The following FGD4 variants were observed in gnomAD, a reference collection of about 807,000 sequenced individuals.
FGD4 encodes FYVE, RhoGEF and PH domain containing 4.
A neutral mutation model predicts 102.0 loss-of-function variants in FGD4; 42 were observed. The ratio of observed to expected loss-of-function variants is 0.41; its 90% CI spans 0.32 to 0.53. The LOEUF is 0.53. FGD4 is among the 20% of genes least tolerant of loss of function. The pLI, the probability that FGD4 is intolerant of heterozygous loss-of-function variation, is 0.21. For synonymous variants in FGD4, 380 were observed against 375.7 expected, an observed-to-expected ratio of 1.01 and a Z score of -0.13; for missense variants, 902 against 1,078.2, an observed-to-expected ratio of 0.84 and a Z score of 2.29.
chr12:32,624,904 G>T, intron 12 of FGD4, 72 bp from the exon 13 acceptor site: 1 of 1,272,902 alleles, frequency 7.9e-7, no homozygotes. Flanking sequence ...ATAGATATTT[G>T]TTTGATAAAG....
intron 2 of FGD4, among the ~76,000 whole-genome samples, chr12:32,570,739 GT>G (rs1371290327): frequency 1.3e-5 from 2 of 151,996 alleles, no homozygotes; most frequent in African/African-American, 2.4e-5. Flanking sequence ...TCGTGCCTCA[GT>G]TTTTTATTCT....
At chr12:32,497,009 G>A (rs1937863097) in intron 1 of FGD4, among the ~76,000 whole-genome samples, 1 of 152,114 alleles carries the variant, frequency 6.6e-6, no homozygotes, top group Non-Finnish European at 1.5e-5. Flanking sequence ...ATATCCCTGG[G>A]GCATTGGTAG....
chr12:32,539,931 A>T (rs1942664288), intron 1 of FGD4, among the ~76,000 whole-genome samples: 1 of 152,206 alleles, frequency 6.6e-6, no homozygotes, highest in Non-Finnish European at 1.5e-5. Context: ...GTCTATCAGT[A>T]GTTACTGATT....
In FGD4 at chr12:32,403,522, G is replaced by A. The variant is rs147434394; in HGVS notation, c.166+3563G>A. Among the ~76,000 whole-genome samples, 726 of 150,010 alleles carry A rather than the reference G, an allele frequency of 4.8e-3. 7 individuals are homozygous for A. Among genetic ancestry groups the A allele is most frequent in the African/African-American group, 0.013 (538 of 40,654 alleles). On this transcript the variant is annotated intron_variant, in intron 1 of 16. Transcript: ENST00000534526. The stretch of plus-strand genomic sequence containing the variant: ...GCAGGAGAATCACTACAAGCCATGA[G>A]TTTGAGGATGAAGTATGCTGTGTTT...
chr12:32,481,791 A>C (rs1224947074), intron 1 of FGD4, among the ~76,000 whole-genome samples: 1 of 150,964 alleles, frequency 6.6e-6, no homozygotes, highest in Non-Finnish European at 1.5e-5. Context: ...ACTGTACTCC[A>C]GCCTGGGTGA....
chr12:32,605,293 A>G (rs1298082902), intron 7 of FGD4, among the ~76,000 whole-genome samples: 1 of 151,046 alleles, frequency 6.6e-6, no homozygotes, highest in African/African-American at 2.4e-5. Context: ...AGCTGTAGCC[A>G]GAAGGTCTGC....
intron 5 of FGD4, among the ~76,000 whole-genome samples, chr12:32,599,858 C>T (rs1165515773): frequency 6.6e-6 from 1 of 151,918 alleles, no homozygotes; most frequent in Non-Finnish European, 1.5e-5. Context: ...CCTAAGGCAT[C>T]CTAATCCTGT....
intron 1 of FGD4, among the ~76,000 whole-genome samples, chr12:32,460,048 A>G (rs1321342912): frequency 2.6e-5 from 4 of 152,272 alleles, no homozygotes; most frequent in Middle Eastern, 6.8e-3. Context: ...CTTTACAGTC[A>G]CAAATAAAAT....
rs1232121012 is a variant in FGD4 at position 32,399,944 on chromosome 12, C to T, written c.151C>T (p.Pro51Ser). The change falls in exon 1 of 17, where the codon CCC becomes TCC. Residue 51 changes from proline (P) to serine (S), a missense_variant. By Grantham distance (74) the Pro-to-Ser change is moderately conservative. Coordinates refer to ENST00000534526, the MANE Select transcript of FGD4 (RefSeq NM_001370298.3). ...VGTAAFKGQV[P>S]SGATGSSTCP... ...GACCGCTGCCTTCAAGGGCCAGGTG[C>T]CCTCAGGAGCCACAGGTAAGCGCCT... 2 of 1,491,742 alleles carry T rather than the reference C, an allele frequency of 1.3e-6. No homozygotes were observed. Among genetic ancestry groups the T allele is most frequent in the Non-Finnish European group, 1.8e-6 (2 of 1,126,610 alleles). The allele number at this position is 1,491,742 out of a possible 1,614,324, so 92.4% of individuals were successfully genotyped here.
At chr12:32,418,698 G>A (rs1941516529) in intron 1 of FGD4, among the ~76,000 whole-genome samples, 1 of 152,144 alleles carries the variant, frequency 6.6e-6, no homozygotes. Flanking sequence ...CCAAGGCCCG[G>A]TGTAACCACT....
chr12:32,507,066 C>T (rs1371987263), intron 1 of FGD4, among the ~76,000 whole-genome samples: 2 of 146,262 alleles, frequency 1.4e-5, no homozygotes, highest in African/African-American at 5.1e-5. Context: ...TCTCCTAAAG[C>T]TATCCCTCCC....
chr12:32,574,284 C>G (rs1190811006), intron 2 of FGD4, among the ~76,000 whole-genome samples: 1 of 150,450 alleles, frequency 6.6e-6, no homozygotes, highest in East Asian at 1.9e-4. Context: ...ATATTCACTT[C>G]CTTTAGTATT....
chr12:32,457,874 T>C (rs902386583), intron 1 of FGD4, among the ~76,000 whole-genome samples: 1 of 152,228 alleles, frequency 6.6e-6, no homozygotes, highest in Non-Finnish European at 1.5e-5. Flanking sequence ...CTTCTAGCTC[T>C]GCTCTAAGGA....
At chr12:32,425,507 G>C (rs373533072) in intron 1 of FGD4, among the ~76,000 whole-genome samples, 128 of 152,268 alleles carry the variant, frequency 8.4e-4, no homozygotes, top group African/African-American at 3.0e-3. Flanking sequence ...CAGGTAGCAC[G>C]ATGCCTCCAG....
Position 32,610,686 on chromosome 12 carries a change from C to T in FGD4, c.1544-90C>T, listed in dbSNP as rs534777477. ...ACTATTTTTGTTGTATCTTTGGTCT[C>T]AGACTTCTTAATTTAGTAAGTTACT... is the stretch of plus-strand genomic sequence containing the variant. On this transcript the variant is annotated intron_variant, in intron 8 of 16. Coordinates refer to ENST00000534526, the MANE Select transcript of FGD4 (RefSeq NM_001370298.3). 14 of 1,205,616 alleles carry T rather than the reference C, an allele frequency of 1.2e-5. No homozygotes were observed. The African/African-American group carries it at 1.6e-4, about 14-fold the overall frequency. The allele number at this position is 1,205,616 out of a possible 1,614,324, so 74.7% of individuals were successfully genotyped here.
chr12:32,619,556 C>T lies in FGD4; in HGVS notation c.1750-142C>T, dbSNP rs112299849. ...CTGAGGCAGGAGAATGGCGTGAACC[C>T]GGGAGGCAGAGCTTACAATGAGCCA... On this transcript the variant is annotated intron_variant, in intron 10 of 16. Coordinates refer to ENST00000534526, the MANE Select transcript of FGD4 (RefSeq NM_001370298.3). 0.13 allele frequency: 110,735 copies of T among 874,044 alleles called. 8,137 individuals carry two copies. Among genetic ancestry groups the T allele is most frequent in the African/African-American group, 0.22 (13,456 of 59,824 alleles). 54.1% of individuals were successfully genotyped at this position (874,044 alleles called of 1,614,324 possible). A position where few individuals can be genotyped will look rare whatever the true frequency, so the allele number is the denominator to read the frequency against.
chr12:32,609,756 T>G (rs956903186), intron 8 of FGD4, among the ~76,000 whole-genome samples: 1 of 152,170 alleles, frequency 6.6e-6, no homozygotes, highest in South Asian at 2.1e-4. Context: ...AGCAGTACAC[T>G]GAAGACAAAA....
chr12:32,564,630 G>T (rs1945031979), intron 2 of FGD4, among the ~76,000 whole-genome samples: 1 of 152,168 alleles, frequency 6.6e-6, no homozygotes, highest in Admixed American at 6.5e-5. Flanking sequence ...AGAAAGAAAT[G>T]ATTTGCTAGA....
At chr12:32,595,654 A>T (rs1469289438) in intron 4 of FGD4, among the ~76,000 whole-genome samples, 2 of 152,216 alleles carry the variant, frequency 1.3e-5, no homozygotes, top group Non-Finnish European at 2.9e-5. Context: ...ACTGTATAGT[A>T]GTAATATATA....
Sources: gnomAD v4.1 joint callset for allele counts (sites outside exome capture counted in the v4.1 genomes callset) on GRCh38, gnomAD v4.1.1 for gene constraint, MANE v1.5 for transcripts, NCBI Gene and HGNC (gene_info 2026-07-23, HGNC 2026-07-21) for gene names.